Variants in EVC2 observed in about 807,000 individuals in gnomAD.
EVC2 encodes limbin.
Under a neutral mutation model 149.3 loss-of-function variants are expected in EVC2, and 148 were observed. The observed-to-expected ratio is 0.99, with a 90% CI of 0.87 to 1.14. EVC2 has a LOEUF of 1.14. Among genes scored for constraint, EVC2 ranks in the 50% most tolerant of loss-of-function variants. The pLI is 0.00. For missense variants in EVC2, 1,854 were observed against 1,627.3 expected, an observed-to-expected ratio of 1.14 and a Z score of -2.40; for synonymous variants, 776 against 649.9, an observed-to-expected ratio of 1.19 and a Z score of -2.95.
intron 1 of EVC2, among the ~76,000 whole-genome samples, chr4:5,705,577 A>T (rs1337363388): frequency 6.6e-6 from 1 of 152,044 alleles, no homozygotes; most frequent in Non-Finnish European, 1.5e-5. Flanking sequence ...AAACTGTTTT[A>T]TTTTCTAAAA....
intron 7 of EVC2, among the ~76,000 whole-genome samples, chr4:5,669,588 G>A (rs116561884): frequency 3.3e-5 from 5 of 152,294 alleles, no homozygotes; most frequent in African/African-American, 1.2e-4. Context: ...TAAAAGCCAG[G>A]AAAAGAACTC....
intron 21 of EVC2, among the ~76,000 whole-genome samples, chr4:5,545,087 G>C (rs1474611855): frequency 6.6e-6 from 1 of 152,194 alleles, no homozygotes; most frequent in Non-Finnish European, 1.5e-5. Flanking sequence ...GGCACTCCCA[G>C]AAAGGGGGCT....
At chr4:5,537,241 G>A in the EVC2 span, among the ~76,000 whole-genome samples, 4 of 152,192 alleles carry the variant, frequency 2.6e-5, no homozygotes, top group African/African-American at 4.8e-5. Flanking sequence ...GCAGGGCAGA[G>A]TTTTGGAGAG....
rs1716900866 is a variant in EVC2, at chr4:5,636,551, G to A, written c.1470+3963C>T. On this transcript the variant is annotated intron_variant, in intron 10 of 21. Transcript: ENST00000344408. This position sits in a 1 kb window ranked among gnomAD's most constrained non-coding sequence, Gnocchi z 4.6. Reference sequence around the variant, plus strand: ...TGTATTAGGTATTACAAGTAACAGAGGTGATTTAAAGTATACAGGAGCATT... The same window carrying A: ...TGTATTAGGTATTACAAGTAACAGAAGTGATTTAAAGTATACAGGAGCATT... 6.6e-6 allele frequency among the ~76,000 whole-genome samples: 1 copy of A among 152,110 alleles called. No individual in the cohort carries two copies. The highest frequency in any genetic ancestry group is 2.1e-4 in the South Asian group (1 of 4,828).
At chr4:5,643,658 C>T (rs1238088061) in intron 9 of EVC2, among the ~76,000 whole-genome samples, 1 of 152,180 alleles carries the variant, frequency 6.6e-6, no homozygotes, top group African/African-American at 2.4e-5. Context: ...CAGTGGCTCA[C>T]ACCTGTAATC....
intron 10 of EVC2, among the ~76,000 whole-genome samples, chr4:5,632,441 CCT>C (rs1391114066): frequency 4.6e-5 from 7 of 152,142 alleles, no homozygotes; most frequent in Admixed American, 1.3e-4. Context: ...CCTGTCCTCC[CCT>C]GTTATCTAAA....
intron 21 of EVC2, chr4:5,543,275 T>C (rs1296392353): frequency 4.4e-6 from 5 of 1,145,934 alleles, no homozygotes; most frequent in African/African-American, 3.2e-5. Flanking sequence ...CATTGTACCA[T>C]CACCATCCAC....
Position 5,565,354 on chromosome 4 carries a change from T to C in EVC2, c.3563A>G (p.His1188Arg). 1 of 1,614,060 alleles carries C rather than the reference T, an allele frequency of 6.2e-7. No homozygotes were observed. Among genetic ancestry groups the C allele is most frequent in the Non-Finnish European group, 8.5e-7 (1 of 1,179,958 alleles). The change falls in exon 21 of 22, where the codon CAC becomes CGC. Residue 1188 changes from histidine (H) to arginine (R), a missense_variant. Physicochemically the swap from His to Arg is conservative, Grantham distance 29. Transcript: ENST00000344408. ...ATCTAAGGCTTGCCACCAGCTCTGG[T>C]GTTTCCTGCAGGCAAGAAGGGAGTC... ...EQADVGRRRK[H>R]QSWWQALDGK...
At chr4:5,568,410 G>A (rs999862403) in intron 20 of EVC2, 34 bp downstream of exon 20, 106 of 1,535,382 alleles carry the variant, frequency 6.9e-5, no homozygotes, top group Non-Finnish European at 8.7e-5. Context: ...GGACAGGGAC[G>A]TGCCCCGGGA....
Position 5,670,068 on chromosome 4 carries a change from A to G in EVC2, c.871-4419T>C, listed in dbSNP as rs1719538347. ...TATGCTAGGTCCTGCCCTGCCTACA[A>G]TGCCTCTACTCTTCAATCTTCTTCC... On this transcript the variant is annotated intron_variant, in intron 7 of 21. Coordinates refer to ENST00000344408, the MANE Select transcript of EVC2 (RefSeq NM_147127.5). This position sits in a 1 kb window ranked among gnomAD's most constrained non-coding sequence, Gnocchi z 5.2. 6.6e-6 allele frequency among the ~76,000 whole-genome samples: 1 copy of G among 152,220 alleles called. No individual in the cohort carries two copies. Among genetic ancestry groups the G allele is most frequent in the Non-Finnish European group, 1.5e-5 (1 of 68,032 alleles).
Position 5,582,934 on chromosome 4 carries a change from A to G in EVC2, c.3057+1689T>C, listed in dbSNP as rs141754685. Among the ~76,000 whole-genome samples, 522 of 152,240 alleles carry G rather than the reference A, an allele frequency of 3.4e-3. 3 individuals carry two copies. The highest frequency in any genetic ancestry group is 0.012 in the African/African-American group (506 of 41,536). ...TGCTTCCCCTTCACCTTCTACCATG[A>G]TTGTAAGTTTCCTGAGTCCTCCCCA... On this transcript the variant is annotated intron_variant, in intron 17 of 21. Coordinates refer to ENST00000344408, the MANE Select transcript of EVC2 (RefSeq NM_147127.5).
Position 5,604,767 on chromosome 4 carries a change from C to G in EVC2, c.2829+10655G>C, listed in dbSNP as rs548285628. 5.9e-5 allele frequency among the ~76,000 whole-genome samples: 9 copies of G among 151,974 alleles called. No individual in the cohort carries two copies. In the South Asian group the frequency reaches 1.7e-3, roughly 28 times the overall value. On this transcript the variant is annotated intron_variant, in intron 16 of 21. Transcript: ENST00000344408. ...GATATCCTAAATACCCTGACTTGAC[C>G]ATTATACATCCTATGTATGTAACAA...
At chr4:5,593,209 T>G (rs1245833050) in intron 16 of EVC2, among the ~76,000 whole-genome samples, 25 of 152,168 alleles carry the variant, frequency 1.6e-4, no homozygotes, top group Non-Finnish European at 2.9e-5. Context: ...AGTGTGAGAA[T>G]GGACTAATAC....
At chr4:5,639,016 G>T (rs981167752) in intron 10 of EVC2, among the ~76,000 whole-genome samples, 3 of 152,194 alleles carry the variant, frequency 2.0e-5, no homozygotes, top group Admixed American at 6.5e-5. Context: ...AACCTAAAAT[G>T]AGATGGTTCT....
intron 16 of EVC2, among the ~76,000 whole-genome samples, chr4:5,598,638 C>T (rs1254070079): frequency 6.6e-6 from 1 of 152,120 alleles, no homozygotes; most frequent in African/African-American, 2.4e-5. Flanking sequence ...CTAGGCATTA[C>T]CATTCAGGAC....
intron 16 of EVC2, among the ~76,000 whole-genome samples, chr4:5,608,622 C>T (rs906949175): frequency 2.6e-5 from 4 of 152,042 alleles, no homozygotes; most frequent in Non-Finnish European, 5.9e-5. Context: ...AAACCTCTGC[C>T]TCCCAGCTTC....
chr4:5,702,031 C>G (rs1721858134), intron 1 of EVC2, among the ~76,000 whole-genome samples: 1 of 152,126 alleles, frequency 6.6e-6, no homozygotes, highest in African/African-American at 2.4e-5. Context: ...TATTCTCACC[C>G]CTGCCACGGG....
At chr4:5,609,482 A>AGATG (rs1391207669) in intron 16 of EVC2, among the ~76,000 whole-genome samples, 1 of 152,248 alleles carries the variant, frequency 6.6e-6, no homozygotes, top group Non-Finnish European at 1.5e-5. Flanking sequence ...CCGACTGTGA[A>AGATG]GATGGACTGT....
intron 16 of EVC2, among the ~76,000 whole-genome samples, chr4:5,606,617 C>T (rs1714409159): frequency 6.6e-6 from 1 of 152,068 alleles, no homozygotes; most frequent in Admixed American, 6.5e-5. Flanking sequence ...AGCATCCAAT[C>T]TAAAATTACC....
Sources: allele counts gnomAD v4.1 joint callset (sites outside exome capture counted in the v4.1 genomes callset), GRCh38; gene constraint gnomAD v4.1.1; non-coding constraint Gnocchi (gnomAD v3.1); transcripts MANE v1.5; gene names NCBI Gene and HGNC (gene_info 2026-07-23, HGNC 2026-07-21).